KCND2: variants seen among roughly 807,000 people sequenced by gnomAD.
KCND2 encodes A-type voltage-gated potassium channel KCND2.
In KCND2, 16 loss-of-function variants were observed where a neutral mutation model predicts 54.4. The ratio of observed to expected loss-of-function variants is 0.29; its 90% CI spans 0.20 to 0.45. The LOEUF (loss-of-function observed/expected upper bound fraction) is 0.45. KCND2 is among the 20% of genes least tolerant of loss of function. The pLI is 1.00. For missense variants in KCND2, 486 were observed against 824.2 expected (o/e 0.59, Z 5.02); for synonymous variants, 317 against 310.7 (o/e 1.02, Z -0.21).
chr7:120,457,426 A>G (rs531449857), intron 1 of KCND2, among the ~76,000 whole-genome samples: 36 of 152,176 alleles, frequency 2.4e-4, no homozygotes, highest in African/African-American at 8.7e-4. Context: ...CTTCTGCCAG[A>G]TACCCTAAAT....
chr7:120,673,600 T>G (rs907724118), intron 1 of KCND2, among the ~76,000 whole-genome samples: 1 of 152,158 alleles, frequency 6.6e-6, no homozygotes, highest in Non-Finnish European at 1.5e-5. Context: ...ATCAACCTCC[T>G]TGCTGGTTTC....
At chr7:120,648,882 A>G (rs1277660860) in intron 1 of KCND2, among the ~76,000 whole-genome samples, 1 of 152,226 alleles carries the variant, frequency 6.6e-6, no homozygotes, top group Non-Finnish European at 1.5e-5. Context: ...CAAAGTCATT[A>G]TAATTTGTCT....
chr7:120,340,832 G>A (rs1345076594), intron 1 of KCND2, among the ~76,000 whole-genome samples: 1 of 152,158 alleles, frequency 6.6e-6, no homozygotes, highest in East Asian at 1.9e-4. Context: ...AAAGGGAGAA[G>A]ACAACTGGAA....
At chr7:120,482,798 T>C (rs571068189) in intron 1 of KCND2, among the ~76,000 whole-genome samples, 2 of 152,226 alleles carry the variant, frequency 1.3e-5, no homozygotes, top group South Asian at 4.1e-4. Context: ...CATTCTGTTA[T>C]AGCAGCAAAA....
intron 1 of KCND2, among the ~76,000 whole-genome samples, chr7:120,397,465 A>G (rs1256822802): frequency 6.6e-6 from 1 of 152,034 alleles, no homozygotes; most frequent in African/African-American, 2.4e-5. Flanking sequence ...TTTATTCTGC[A>G]TGTATGATGA....
At chr7:120,293,951 A>G (rs1288700206) in intron 1 of KCND2, among the ~76,000 whole-genome samples, 1 of 152,030 alleles carries the variant, frequency 6.6e-6, no homozygotes, top group Non-Finnish European at 1.5e-5. Context: ...AGTATGTTAC[A>G]ACCAGCAATG....
chr7:120,282,741 T>A (rs1317501197), intron 1 of KCND2, among the ~76,000 whole-genome samples: 1 of 152,146 alleles, frequency 6.6e-6, no homozygotes, highest in Non-Finnish European at 1.5e-5. Context: ...TTCTTCACTT[T>A]TAACAATATC....
At chr7:120,591,737 C>T (rs1792674283) in intron 1 of KCND2, among the ~76,000 whole-genome samples, 1 of 152,120 alleles carries the variant, frequency 6.6e-6, no homozygotes, top group Non-Finnish European at 1.5e-5. Flanking sequence ...CTGAGCCTCC[C>T]CATTCCTCAA....
intron 1 of KCND2, among the ~76,000 whole-genome samples, chr7:120,428,530 T>C (rs1460995989): frequency 6.6e-6 from 1 of 152,180 alleles, no homozygotes; most frequent in African/African-American, 2.4e-5. Context: ...ATTTGTTTGC[T>C]TTTTTAATAA....
At chr7:120,638,723 G>C (rs1793336474) in intron 1 of KCND2, among the ~76,000 whole-genome samples, 1 of 152,078 alleles carries the variant, frequency 6.6e-6, no homozygotes, top group African/African-American at 2.4e-5. Flanking sequence ...TCCCTCTCTA[G>C]TTCAAGATGG....
chr7:120,338,439 A>T (rs1800182167), intron 1 of KCND2, among the ~76,000 whole-genome samples: 2 of 151,776 alleles, frequency 1.3e-5, no homozygotes, highest in African/African-American at 4.8e-5. Flanking sequence ...TAAATATCGT[A>T]TGTTTTTGCT....
intron 1 of KCND2, among the ~76,000 whole-genome samples, chr7:120,474,895 T>C (rs1802511804): frequency 6.6e-6 from 1 of 152,064 alleles, no homozygotes; most frequent in Non-Finnish European, 1.5e-5. Context: ...ATTTTTTTTT[T>C]AAAGAGATGG....
intron 1 of KCND2, among the ~76,000 whole-genome samples, chr7:120,421,453 A>G (rs1801621459): frequency 6.6e-6 from 1 of 152,200 alleles, no homozygotes; most frequent in Admixed American, 6.5e-5. Context: ...TCAGGTTTCT[A>G]TTTTGCATAA....
chr7:120,699,957 C>T (rs1003423082), intron 1 of KCND2, among the ~76,000 whole-genome samples: 4 of 152,018 alleles, frequency 2.6e-5, no homozygotes, highest in East Asian at 1.9e-4. Flanking sequence ...AACAATATTT[C>T]GGGCATGGAG....
chr7:120,286,220 A>G (rs1036443767), intron 1 of KCND2, among the ~76,000 whole-genome samples: 2 of 151,980 alleles, frequency 1.3e-5, no homozygotes, highest in Non-Finnish European at 1.5e-5. Flanking sequence ...ATACTGTTTT[A>G]ATATTACTAA....
At position 120,349,171 on chromosome 7, in the gene KCND2, C is replaced by A. The variant is rs116975194; in HGVS notation, c.1115+73424C>A. Among the ~76,000 whole-genome samples the A allele has an allele frequency of 2.4e-3, 370 of 152,220 alleles. 1 individual carries two copies. Among genetic ancestry groups the A allele is most frequent in the Non-Finnish European group, 4.5e-3 (303 of 68,004 alleles). Reference sequence around the variant, plus strand: ...TTCTACAAAGAAATTAACTTTTGCTCTTCTACATCCACTATGGAAGACTCA... The same window carrying A: ...TTCTACAAAGAAATTAACTTTTGCTATTCTACATCCACTATGGAAGACTCA... On this transcript the variant is annotated intron_variant, in intron 1 of 5. Transcript: ENST00000331113.
chr7:120,600,014 T>C (rs1418416609), intron 1 of KCND2, among the ~76,000 whole-genome samples: 1 of 151,972 alleles, frequency 6.6e-6, no homozygotes, highest in African/African-American at 2.4e-5. Flanking sequence ...GAAAGTGAAT[T>C]TTGACATTTT....
chr7:120,293,244 A>T lies in KCND2; in HGVS notation c.1115+17497A>T, dbSNP rs115716710. Among the ~76,000 whole-genome samples, 954 of 152,062 alleles carry T rather than the reference A, an allele frequency of 6.3e-3. 4 individuals are homozygous for T. Among genetic ancestry groups the T allele is most frequent in the African/African-American group, 0.021 (884 of 41,532 alleles). ...TGTTTAATTGGATTACAAAAATTAAACAGAATACACAATGGACAATATTCT... is the reference window on the plus strand; with the variant it reads ...TGTTTAATTGGATTACAAAAATTAATCAGAATACACAATGGACAATATTCT... On this transcript the variant is annotated intron_variant, in intron 1 of 5. Coordinates refer to ENST00000331113, the MANE Select transcript of KCND2 (RefSeq NM_012281.3).
chr7:120,615,277 A>T (rs1478635834), intron 1 of KCND2, among the ~76,000 whole-genome samples: 2 of 152,204 alleles, frequency 1.3e-5, no homozygotes, highest in African/African-American at 4.8e-5. Context: ...CACCACTGAC[A>T]GTCCTCTACC....
Sources: gnomAD v4.1 joint callset for allele counts (sites outside exome capture counted in the v4.1 genomes callset) on GRCh38, gnomAD v4.1.1 for gene constraint, MANE v1.5 for transcripts, NCBI Gene and HGNC (gene_info 2026-07-23, HGNC 2026-07-21) for gene names.